RASAL1: variants seen among roughly 807,000 people sequenced by gnomAD.
RASAL1 encodes rasGAP-activating-like protein 1.
Under a neutral mutation model 96.6 loss-of-function variants are expected in RASAL1, and 72 were observed. The observed-to-expected ratio is 0.75, with a 90% CI of 0.62 to 0.91. The LOEUF (loss-of-function observed/expected upper bound fraction) is 0.91, where lower values mean the gene tolerates loss of function less well. Ranked by LOEUF, RASAL1 falls within the 40% of genes least tolerant of loss-of-function variation. The pLI is 0.00. For synonymous variants in RASAL1, 405 were observed against 430.4 expected (o/e 0.94, Z 0.73); for missense variants, 1,016 against 1,072.5 (o/e 0.95, Z 0.74).
Position 113,115,805 on chromosome 12 carries a change from G to A in RASAL1, c.850-17C>T. 1 of 1,613,574 alleles carries A rather than the reference G, an allele frequency of 6.2e-7. No homozygotes were observed. Among genetic ancestry groups the A allele is most frequent in the Non-Finnish European group, 8.5e-7 (1 of 1,179,690 alleles). The stretch of plus-strand genomic sequence containing the variant: ...AGTGTCCTCCTGGGTGGGGGCGGGA[G>A]ACAAAGATGACCTCGGCCCCTGGGA... On this transcript the variant is annotated splice_polypyrimidine_tract_variant and intron_variant, in intron 9 of 20. Transcript: ENST00000548055. This position sits in a 1 kb window ranked among gnomAD's most constrained non-coding sequence, Gnocchi z 4.1.
Position 113,117,063 on chromosome 12 carries a change from C to A in RASAL1, c.731+10G>T. 6.3e-7 allele frequency: 1 copy of A among 1,581,110 alleles called. No individual in the cohort carries two copies. Among genetic ancestry groups the A allele is most frequent in the Non-Finnish European group, 8.7e-7 (1 of 1,155,724 alleles). ...CCAGCCTGGCCCCCTCCCTCTGCAC[C>A]CACATTTACCCAGAATCCTCCTCGG... On this transcript the variant is annotated intron_variant, in intron 8 of 20. Transcript: ENST00000548055.
chr12:113,122,065 T>C (rs547072656), intron 4 of RASAL1, among the ~76,000 whole-genome samples: 1 of 152,266 alleles, frequency 6.6e-6, no homozygotes, highest in East Asian at 1.9e-4. Context: ...GCTTCTGATA[T>C]AGGTGCTGTA....
chr12:113,115,887 A>C lies in RASAL1; in HGVS notation c.849+47T>G, dbSNP rs1190620782. 4.4e-6 allele frequency: 7 copies of C among 1,583,816 alleles called. No homozygotes were observed. In the Admixed American group the frequency reaches 1.0e-4, roughly 24 times the overall value. ...GTGAGGCAGGGGGAGGCCAGGATCC[A>C]GACCCCCGGCACCCGCCTGATAGCA... On this transcript the variant is annotated intron_variant, in intron 9 of 20. Transcript: ENST00000548055. The surrounding 1 kb of genome is among the most constrained non-coding windows in gnomAD (Gnocchi z 4.1).
chr12:113,121,486 C>T (rs1951292300), intron 5 of RASAL1, 23 bp downstream of exon 5: 1 of 1,613,734 alleles, frequency 6.2e-7, no homozygotes. Context: ...CCACCCTCCA[C>T]ACCACCTCCA....
At chr12:113,128,316 C>A in intron 2 of RASAL1, 138 bp from the exon 3 acceptor site, 1 of 617,660 alleles carries the variant, frequency 1.6e-6, no homozygotes, top group Non-Finnish European at 2.9e-6. Flanking sequence ...AGAGACCCCC[C>A]ACATGAACCC....
chr12:113,126,537 C>T (rs1416390495), intron 4 of RASAL1, among the ~76,000 whole-genome samples: 1 of 152,012 alleles, frequency 6.6e-6, no homozygotes, highest in Admixed American at 6.6e-5. Context: ...CAAAAATTAG[C>T]CAGGTGTGGT....
At chr12:113,128,253 C>G (rs964458054) in intron 2 of RASAL1, 75 bp from the exon 3 acceptor site, 2 of 591,172 alleles carry the variant, frequency 3.4e-6, no homozygotes, top group South Asian at 1.9e-5. Context: ...CAGACACACA[C>G]ACACACACAC....
chr12:113,112,638 C>T (rs2136160347), intron 12 of RASAL1, among the ~76,000 whole-genome samples: 1 of 152,228 alleles, frequency 6.6e-6, no homozygotes, highest in Admixed American at 6.5e-5. Flanking sequence ...TCGTTTATTC[C>T]ATTCCCTGGT....
In RASAL1 at chr12:113,102,556, T is replaced by TCA. The variant is rs1418073096; in HGVS notation, c.2105-549_2105-548dup. 3.0e-3 allele frequency among the ~76,000 whole-genome samples: 461 copies of TCA among 152,124 alleles called. 2 individuals are homozygous for TCA. The highest frequency in any genetic ancestry group is 0.01 in the African/African-American group (432 of 41,490). On this transcript the variant is annotated intron_variant, in intron 18 of 20. Transcript: ENST00000548055. ...CTGGGCAAAAGGGTGAGACTCCATC[T>TCA]CACACACACACAAAAATATTAGCCT...
In RASAL1 at chr12:113,105,771, C is replaced by A; in HGVS notation, c.1773G>T (p.Lys591Asn). ...AGLATRFAFK[K>N]RYVWLSGETL... Reference sequence around the variant, plus strand: ...TCTCCCCGCTGAGCCAGACGTAGCGCTTCTTGAAGGCAAAGCGCGTGGCCA... The same window carrying A: ...TCTCCCCGCTGAGCCAGACGTAGCGATTCTTGAAGGCAAAGCGCGTGGCCA... Residue 591 changes from lysine to asparagine, a missense_variant, in exon 16 of 21, where the codon AAG becomes AAT. Physicochemically the swap from Lys to Asn is moderately conservative, Grantham distance 94 (BLOSUM62 0). Coordinates refer to ENST00000548055, the MANE Select transcript of RASAL1 (RefSeq NM_001301202.2). The A allele has an allele frequency of 6.2e-7, 1 of 1,614,136 alleles. No homozygotes were observed. The highest frequency in any genetic ancestry group is 1.3e-5 in the African/African-American group (1 of 75,078).
rs990748603 is a variant in RASAL1 at position 113,100,822 on chromosome 12, A to T, written c.2226-142T>A. 5.9e-6 allele frequency: 4 copies of T among 682,020 alleles called. No homozygotes were observed. The Admixed American group carries it at 8.7e-5, about 15-fold the overall frequency. The allele number at this position is 682,020 out of a possible 1,614,324, so 42.2% of individuals were successfully genotyped here. Reference sequence around the variant, plus strand: ...CATCATCATCATCATCTACACAGCAAACATTTCTAGAGTGCCAGATACTAT... The same window carrying T: ...CATCATCATCATCATCTACACAGCATACATTTCTAGAGTGCCAGATACTAT... On this transcript the variant is annotated intron_variant, in intron 19 of 20. Transcript: ENST00000548055.
In RASAL1 at chr12:113,099,990, G is replaced by T. The variant is rs898147571; in HGVS notation, c.2357C>A (p.Ala786Asp). ...CTCCTGCTGCTGGAACTCCTCGTGG[G>T]CACGATCCAGGTCTGCGAGCACCTC... ...LLEVLADLDRAHEEFQQQERG... is the reference protein window; with the variant it reads ...LLEVLADLDRDHEEFQQQERG... The change falls in exon 21 of 21, where the codon GCC (alanine) becomes GAC (aspartate). Residue 786 changes from alanine to aspartate, a missense_variant. Coordinates refer to ENST00000548055, the MANE Select transcript of RASAL1 (RefSeq NM_001301202.2). 3 of 1,613,816 alleles carry T rather than the reference G, an allele frequency of 1.9e-6. No individual in the cohort carries two copies. Among genetic ancestry groups the T allele is most frequent in the Non-Finnish European group, 2.5e-6 (3 of 1,179,810 alleles).
intron 13 of RASAL1, 99 bp downstream of exon 13, chr12:113,111,987 G>T: frequency 2.8e-6 from 3 of 1,072,454 alleles, no homozygotes; most frequent in Non-Finnish European, 3.6e-6. Context: ...CTCTAGTGCC[G>T]GCAGCCTAGG....
rs376380142 is a variant in RASAL1, at chr12:113,108,207, C to A, written c.1390G>T (p.Ala464Ser). The change falls in exon 14 of 21, where the codon GCC (alanine) becomes TCC (serine). Residue 464 changes from alanine (A) to serine (S), a missense_variant. Coordinates refer to ENST00000548055, the MANE Select transcript of RASAL1 (RefSeq NM_001301202.2). ...QAEHQDVKYL[A>S]ISGFLFLRFF... ...CGCAAGAAGAGAAATCCACTGATGG[C>A]CAGGTACTTCACATCCTGCTGGGAG... 8 of 1,611,942 alleles carry A rather than the reference C, an allele frequency of 5.0e-6. No homozygotes were observed. In the African/African-American group the frequency reaches 1.1e-4, roughly 22 times the overall value.
chr12:113,102,999 A>T, intron 18 of RASAL1: 1 of 255,154 alleles, frequency 3.9e-6, no homozygotes, highest in Non-Finnish European at 7.8e-6. Context: ...GGTCACATTT[A>T]AGCAGCACCT....
chr12:113,119,972 G>A (rs946717201), intron 5 of RASAL1, among the ~76,000 whole-genome samples: 4 of 152,290 alleles, frequency 2.6e-5, no homozygotes, highest in South Asian at 4.1e-4. Context: ...GGTGATGGGT[G>A]CTTGGTTCAT....
In RASAL1 at chr12:113,112,766, C is replaced by T. The variant is rs531586041; in HGVS notation, c.1182-488G>A. 3.8e-4 allele frequency among the ~76,000 whole-genome samples: 58 copies of T among 152,272 alleles called. 1 individual carries two copies. In the South Asian group the frequency reaches 0.012, roughly 31 times the overall value. ...AGGAGTTCAAGACCAGCCTGGCCAA[C>T]ATGGTGAAACTCCATCTCCACCAAA... On this transcript the variant is annotated intron_variant, in intron 12 of 20. Coordinates refer to ENST00000548055, the MANE Select transcript of RASAL1 (RefSeq NM_001301202.2).
Position 113,105,801 on chromosome 12 carries a change from G to A in RASAL1, c.1743C>T (p.Ala581=), listed in dbSNP as rs756402751. 47 of 1,614,054 alleles carry A rather than the reference G, an allele frequency of 2.9e-5. No homozygotes were observed. The highest frequency in any genetic ancestry group is 1.3e-4 in the East Asian group (6 of 44,904). The change falls in exon 16 of 21, where the codon GCC becomes GCT. Residue 581 remains alanine (A), a synonymous_variant. Coordinates refer to ENST00000548055, the MANE Select transcript of RASAL1 (RefSeq NM_001301202.2). ...TGAAGGCAAAGCGCGTGGCCAGGCCGGCAGGCTCCTCCTTGCGCTTCAGCA... is the reference window on the plus strand; with the variant it reads ...TGAAGGCAAAGCGCGTGGCCAGGCCAGCAGGCTCCTCCTTGCGCTTCAGCA... The part of the protein sequence containing the change: ...GYLLKRKEEP[A]GLATRFAFKK...
chr12:113,114,436 T>G (rs1020847477), intron 12 of RASAL1, among the ~76,000 whole-genome samples: 2 of 145,506 alleles, frequency 1.4e-5, no homozygotes, highest in African/African-American at 2.6e-5. Flanking sequence ...GTCACACCAC[T>G]GCACCCCAGC....
Sources: gnomAD v4.1 joint callset for allele counts (sites outside exome capture counted in the v4.1 genomes callset) on GRCh38, gnomAD v4.1.1 for gene constraint, Gnocchi (gnomAD v3.1) non-coding constraint, MANE v1.5 for transcripts, NCBI Gene and HGNC (gene_info 2026-07-23, HGNC 2026-07-21) for gene names.